CLASP2: variants seen among roughly 807,000 people sequenced by gnomAD.
The protein encoded by CLASP2 is CLIP-associating protein 2.
In CLASP2, 47 loss-of-function variants were observed where a neutral mutation model predicts 194.4. The ratio of observed to expected loss-of-function variants is 0.24; its 90% CI spans 0.19 to 0.31. The LOEUF (loss-of-function observed/expected upper bound fraction) is 0.31, where lower values mean the gene tolerates loss of function less well. Ranked by LOEUF, CLASP2 falls within the 10% of genes least tolerant of loss-of-function variation. The pLI, the probability that CLASP2 is intolerant of heterozygous loss-of-function variation, is 1.00. For synonymous variants in CLASP2, 619 were observed against 633.5 expected (o/e 0.98, Z 0.34); for missense variants, 1,445 against 1,823.6 (o/e 0.79, Z 3.78).
At chr3:33,699,415 T>C (rs972255255) in intron 1 of CLASP2, among the ~76,000 whole-genome samples, 1 of 151,700 alleles carries the variant, frequency 6.6e-6, no homozygotes, top group East Asian at 1.9e-4. Flanking sequence ...CCAAGACACA[T>C]CCTATTCAAA....
chr3:33,655,180 T>C (rs978654722), intron 7 of CLASP2, among the ~76,000 whole-genome samples: 3 of 152,180 alleles, frequency 2.0e-5, no homozygotes, highest in Non-Finnish European at 2.9e-5. Context: ...AGAACATCAA[T>C]TGTACTATTC....
At chr3:33,545,594 T>C (rs2059032000) in intron 30 of CLASP2, among the ~76,000 whole-genome samples, 1 of 152,002 alleles carries the variant, frequency 6.6e-6, no homozygotes, top group Non-Finnish European at 1.5e-5. Context: ...TTGAGAAAGG[T>C]CTATTATACA....
At chr3:33,707,626 C>A (rs1204122420) in intron 1 of CLASP2, among the ~76,000 whole-genome samples, 1 of 152,188 alleles carries the variant, frequency 6.6e-6, no homozygotes, top group Non-Finnish European at 1.5e-5. Flanking sequence ...TCTCATGTGT[C>A]TCCAGGAAGG....
chr3:33,542,637 TTA>T (rs1177585546), intron 32 of CLASP2, among the ~76,000 whole-genome samples: 4 of 148,530 alleles, frequency 2.7e-5, no homozygotes, highest in African/African-American at 4.9e-5. Context: ...ATGTAATTCA[TTA>T]TATATGACAT....
intron 18 of CLASP2, among the ~76,000 whole-genome samples, chr3:33,599,955 T>C (rs941709733): frequency 1.3e-5 from 2 of 152,014 alleles, no homozygotes; most frequent in Admixed American, 6.6e-5. Context: ...AGAACAACAA[T>C]AGGTTCTCAC....
intron 16 of CLASP2, among the ~76,000 whole-genome samples, chr3:33,606,103 C>T (rs1577095756): frequency 6.6e-6 from 1 of 151,880 alleles, no homozygotes; most frequent in East Asian, 1.9e-4. Context: ...TTGAGGTAGC[C>T]GTCATCAAGA....
chr3:33,590,104 A>T (rs962420499), intron 21 of CLASP2, among the ~76,000 whole-genome samples: 1 of 152,194 alleles, frequency 6.6e-6, no homozygotes, highest in Non-Finnish European at 1.5e-5. Flanking sequence ...ATTTTAAAAA[A>T]TTAAAAAATA....
chr3:33,625,637 T>A (rs534002431), intron 10 of CLASP2, among the ~76,000 whole-genome samples: 1 of 151,630 alleles, frequency 6.6e-6, no homozygotes, highest in South Asian at 2.1e-4. Flanking sequence ...TAAATACATA[T>A]AACACAGAAA....
chr3:33,550,972 T>A (rs1019549714), intron 30 of CLASP2, among the ~76,000 whole-genome samples: 12 of 152,184 alleles, frequency 7.9e-5, no homozygotes, highest in African/African-American at 2.9e-4. Context: ...TCATTTGAAA[T>A]GTATAGGTAA....
chr3:33,663,879 T>C (rs956726705), intron 6 of CLASP2, among the ~76,000 whole-genome samples: 1 of 152,046 alleles, frequency 6.6e-6, no homozygotes, highest in Non-Finnish European at 1.5e-5. Context: ...TAAAGGCATA[T>C]AAAAATCATG....
chr3:33,706,926 C>G (rs1454103510), intron 1 of CLASP2, among the ~76,000 whole-genome samples: 2 of 152,180 alleles, frequency 1.3e-5, no homozygotes, highest in African/African-American at 4.8e-5. Flanking sequence ...GTTTATGCCA[C>G]TGCACTCCAG....
At chr3:33,533,811 G>T (rs1481040410) in intron 34 of CLASP2, among the ~76,000 whole-genome samples, 1 of 152,082 alleles carries the variant, frequency 6.6e-6, no homozygotes, top group African/African-American at 2.4e-5. Flanking sequence ...ACCTCCCAGG[G>T]AGTTCAAGCG....
At position 33,570,780 on chromosome 3, in the gene CLASP2, G is replaced by A; in HGVS notation, c.2710C>T (p.Leu904=). Reference sequence around the variant, plus strand: ...GTGAAAATTTCACATAATCTTTTCAGTTCAACTCGACTGCCAAGATAATAC... The same window carrying A: ...GTGAAAATTTCACATAATCTTTTCAATTCAACTCGACTGCCAAGATAATAC... ...KNQRTLSRVE[L]KRLCEIFTRM... The change falls in exon 26 of 39, where the codon CTG becomes TTG. Residue 904 remains leucine, a synonymous_variant. Transcript: ENST00000682230. 6.3e-7 allele frequency: 1 copy of A among 1,585,316 alleles called. No homozygotes were observed. The highest frequency in any genetic ancestry group is 8.6e-7 in the Non-Finnish European group (1 of 1,165,368).
chr3:33,670,342 T>C (rs1363381951), intron 6 of CLASP2, among the ~76,000 whole-genome samples: 2 of 152,232 alleles, frequency 1.3e-5, no homozygotes, highest in South Asian at 2.1e-4. Context: ...GGTGGATACA[T>C]GCATGCATTC....
At chr3:33,713,012 C>CAGAAAAAAAAAAAAAAAAAAAA (rs1559717375) in intron 1 of CLASP2, among the ~76,000 whole-genome samples, 12 of 47,004 alleles carry the variant, frequency 2.6e-4, no homozygotes, top group Admixed American at 4.6e-4. Context: ...AACTCCACCT[C>CAGAAAAAAAAAAAAAAAAAAAA]AAAAAAAAAA....
chr3:33,569,330 T>G (rs954876261), intron 26 of CLASP2, among the ~76,000 whole-genome samples: 1 of 152,220 alleles, frequency 6.6e-6, no homozygotes, highest in Non-Finnish European at 1.5e-5. Context: ...AGTCAAAAAC[T>G]GTGACTTCAA....
intron 5 of CLASP2, among the ~76,000 whole-genome samples, chr3:33,685,814 G>A (rs1187388551): frequency 4.0e-5 from 6 of 151,596 alleles, no homozygotes; most frequent in Middle Eastern, 3.2e-3. Context: ...GGGAGGGGGA[G>A]GGGGCGCCGG....
At chr3:33,563,589 T>C (rs1458856795) in intron 27 of CLASP2, among the ~76,000 whole-genome samples, 1 of 152,212 alleles carries the variant, frequency 6.6e-6, no homozygotes, top group Non-Finnish European at 1.5e-5. Flanking sequence ...ATATGGTCTC[T>C]ATCACAACTA....
chr3:33,586,747 C>T (rs1048938928), intron 21 of CLASP2, among the ~76,000 whole-genome samples: 1 of 152,074 alleles, frequency 6.6e-6, no homozygotes, highest in African/African-American at 2.4e-5. Flanking sequence ...CTTTTCCCTT[C>T]GTGGGCACTA....
Sources: gnomAD v4.1 joint callset for allele counts (sites outside exome capture counted in the v4.1 genomes callset) on GRCh38, gnomAD v4.1.1 for gene constraint, MANE v1.5 for transcripts, NCBI Gene and HGNC (gene_info 2026-07-23, HGNC 2026-07-21) for gene names.